Variants in SMIM23 observed in about 807,000 individuals in gnomAD.
The protein encoded by SMIM23 is small integral membrane protein 23, also known as CTB-78H18.1.
SMIM23 carries 10 observed loss-of-function variants against 12.8 expected under a neutral mutation model. That is an observed-to-expected ratio of 0.78 (90% CI 0.48 to 1.32). The LOEUF is 1.32. Ranked by LOEUF, SMIM23 falls within the 40% of genes most tolerant of loss-of-function variation. The probability of loss-of-function intolerance (pLI) is 0.00; values close to 1 mark genes in which losing one functional copy is unlikely to be tolerated. For synonymous variants in SMIM23, 78 were observed against 80.1 expected, an observed-to-expected ratio of 0.97 and a Z score of 0.14; for missense variants, 184 against 198.2, an observed-to-expected ratio of 0.93 and a Z score of 0.43.
At chr5:171,784,911 G>GT (rs918051169), upstream of SMIM23, among the ~76,000 whole-genome samples, 131 of 151,396 alleles carry the variant, frequency 8.7e-4, no homozygotes, top group African/African-American at 1.8e-3. Context: ...ATTATACTAT[G>GT]TTTTTTTTTA....
At position 171,785,977 on chromosome 5, in the gene SMIM23, G is replaced by A. The variant is rs1188663733; in HGVS notation, c.105+1G>A. ...CAGCCACTGTGATGACGAGAAGCAG[G>A]TGAGGCCAGGCCAGGTACATGCTGC... On this transcript the variant is annotated splice_donor_variant, in intron 1 of 3. Transcript: ENST00000523047. LOFTEE classifies it high-confidence loss of function. 1.3e-6 allele frequency: 2 copies of A among 1,535,838 alleles called. No individual in the cohort carries two copies. The highest frequency in any genetic ancestry group is 2.7e-5 in the African/African-American group (2 of 73,046).
chr5:171,789,608 C>T (rs572437511), intron 1 of SMIM23, among the ~76,000 whole-genome samples: 1 of 152,234 alleles, frequency 6.6e-6, no homozygotes, highest in African/African-American at 2.4e-5. Context: ...ACACAATATA[C>T]TCATCAATAA....
chr5:171,790,923 G>T lies in SMIM23; in HGVS notation c.354G>T (p.Ala118=). The change falls in exon 4 of 4, where the codon GCG becomes GCT. Residue 118 remains alanine (A), a synonymous_variant. Transcript: ENST00000523047. ...EEEVQQLEQL[A]WDLELWLDAL... ...AGGTGCAGCAGCTGGAGCAGCTAGC[G>T]TGGGACCTGGAACTGTGGCTGGATG... 1 of 1,536,178 alleles carries T rather than the reference G, an allele frequency of 6.5e-7. No individual in the cohort carries two copies. The highest frequency in any genetic ancestry group is 2.4e-5 in the East Asian group (1 of 40,922).
chr5:171,781,157 C>T (rs1040881867), upstream of SMIM23, among the ~76,000 whole-genome samples: 16 of 152,324 alleles, frequency 1.1e-4, no homozygotes, highest in East Asian at 3.9e-4. Flanking sequence ...AGTGAGGGTG[C>T]AGAAGTCCTC....
intron 1 of SMIM23, among the ~76,000 whole-genome samples, chr5:171,787,741 G>A (rs769938000): frequency 6.6e-6 from 1 of 152,254 alleles, no homozygotes; most frequent in Admixed American, 6.5e-5. Flanking sequence ...CTAGCACTGA[G>A]GGAGGCTCTT....
chr5:171,785,763 A>G, upstream of SMIM23: 1 of 823,070 alleles, frequency 1.2e-6, no homozygotes, highest in South Asian at 1.6e-5. Flanking sequence ...ACCTTCTGTG[A>G]CATCAGAACT....
chr5:171,786,241 G>A (rs697042), intron 1 of SMIM23, among the ~76,000 whole-genome samples: 61,378 of 151,974 alleles, frequency 0.4, 14,087 homozygotes, highest in African/African-American at 0.63. Context: ...TGAATCCCTA[G>A]TGCCTAGCAT....
At chr5:171,783,815 C>T (rs1755765007), upstream of SMIM23, among the ~76,000 whole-genome samples, 2 of 152,198 alleles carry the variant, frequency 1.3e-5, no homozygotes, top group South Asian at 4.1e-4. Context: ...CTAAGAAGGA[C>T]TAGTATCTAA....
chr5:171,789,029 G>A (rs57412689), intron 1 of SMIM23, among the ~76,000 whole-genome samples: 21,723 of 152,222 alleles, frequency 0.14, 1,987 homozygotes, highest in Non-Finnish European at 0.2. Flanking sequence ...TAGTAGAGAC[G>A]GGGTTTCGCC....
intron 1 of SMIM23, among the ~76,000 whole-genome samples, chr5:171,787,160 C>T: frequency 6.6e-6 from 1 of 151,918 alleles, no homozygotes; most frequent in East Asian, 1.9e-4. Context: ...GCTGGGACTA[C>T]AGGCGCCCGC....
chr5:171,773,321 A>C, the SMIM23 span, among the ~76,000 whole-genome samples: 6 of 151,284 alleles, frequency 4.0e-5, no homozygotes, highest in South Asian at 8.4e-4. Flanking sequence ...AGGGCTGGAT[A>C]AACACCAGTC....
At chr5:171,787,935 A>ATT (rs144396585) in intron 1 of SMIM23, among the ~76,000 whole-genome samples, 4 of 149,802 alleles carry the variant, frequency 2.7e-5, no homozygotes, top group Admixed American at 6.7e-5. Context: ...GCTATGTAAC[A>ATT]TTTTTTTTTT....
chr5:171,774,306 T>C, the SMIM23 span: 1 of 415,240 alleles, frequency 2.4e-6, no homozygotes, highest in South Asian at 1.7e-5. Context: ...CATAATGGCC[T>C]GTGAAATAGA....
intron 1 of SMIM23, among the ~76,000 whole-genome samples, chr5:171,788,199 T>C (rs1017572204): frequency 1.3e-5 from 2 of 150,032 alleles, no homozygotes; most frequent in East Asian, 1.9e-4. Flanking sequence ...CACACACACA[T>C]ATTTGAAAAA....
At chr5:171,776,953 C>G in the SMIM23 span, among the ~76,000 whole-genome samples, 13 of 152,122 alleles carry the variant, frequency 8.5e-5, no homozygotes, top group Admixed American at 6.5e-5. Flanking sequence ...GCCGTTGATT[C>G]ATTTGTCTGC....
chr5:171,790,835 T>TA lies in SMIM23; in HGVS notation c.269dup (p.Thr91AspfsTer52). The TA allele has an allele frequency of 6.5e-7, 1 of 1,536,030 alleles. No homozygotes were observed. Among genetic ancestry groups the TA allele is most frequent in the Non-Finnish European group, 8.7e-7 (1 of 1,146,880 alleles). On this transcript the variant is annotated frameshift_variant, in exon 4 of 4. Coordinates refer to ENST00000523047, the MANE Select transcript of SMIM23 (RefSeq NM_001289970.2). LOFTEE classifies it low-confidence loss of function (END_TRUNC). ...ACCAACGAGCCCTCAGAAGAACCGA[T>TA]AAAGACCATCAGGAACTGGCTGAAG...
At chr5:171,789,124 C>G (rs938116515) in intron 1 of SMIM23, among the ~76,000 whole-genome samples, 1 of 152,232 alleles carries the variant, frequency 6.6e-6, no homozygotes, top group Non-Finnish European at 1.5e-5. Flanking sequence ...CGTGCGCCAC[C>G]GCGCCTGGCC....
rs748999591 is a variant in SMIM23 at position 171,791,041 on chromosome 5, G to T, written c.472G>T (p.Gly158Cys). 1.3e-6 allele frequency: 2 copies of T among 1,527,334 alleles called. No individual in the cohort carries two copies. The highest frequency in any genetic ancestry group is 1.2e-5 in the South Asian group (1 of 83,580). 94.6% of individuals were successfully genotyped at this position (1,527,334 alleles called of 1,614,324 possible). A position where few individuals can be genotyped will look rare whatever the true frequency, so the allele number is the denominator to read the frequency against. The change falls in exon 4 of 4, where the codon GGT (glycine) becomes TGT (cysteine). Residue 158 changes from glycine (G) to cysteine (C), a missense_variant. Gly to Cys is a radical substitution (Grantham distance 159, BLOSUM62 -3). Coordinates refer to ENST00000523047, the MANE Select transcript of SMIM23 (RefSeq NM_001289970.2). The part of the protein sequence containing the change: ...WAWALGREHK[G>C]GEGLLEISLS... ...CTGGGCCCTGGGGAGAGAGCACAAA[G>T]GTGGGGAGGGGTTGCTAGAGATTTC...
At chr5:171,783,854 A>G (rs1244525245), upstream of SMIM23, among the ~76,000 whole-genome samples, 1 of 152,244 alleles carries the variant, frequency 6.6e-6, no homozygotes, top group Non-Finnish European at 1.5e-5. Context: ...TCAAAACTCA[A>G]CTGTAGCAAA....
Sources: gnomAD v4.1 joint callset for allele counts (sites outside exome capture counted in the v4.1 genomes callset) on GRCh38, gnomAD v4.1.1 for gene constraint, MANE v1.5 for transcripts, NCBI Gene and HGNC (gene_info 2026-07-23, HGNC 2026-07-21) for gene names.